MCU: variants seen among roughly 807,000 people sequenced by gnomAD.
The protein encoded by MCU is mitochondrial calcium uniporter, also known as calcium uniporter protein, mitochondrial.
A neutral mutation model predicts 45.2 loss-of-function variants in MCU; 12 were observed. The ratio of observed to expected loss-of-function variants is 0.27; its 90% CI spans 0.17 to 0.43. The LOEUF (loss-of-function observed/expected upper bound fraction) is 0.43. MCU is among the 20% of genes least tolerant of loss of function. MCU has a pLI of 1.00. For missense variants in MCU, 324 were observed against 436.7 expected (o/e 0.74, Z 2.30); for synonymous variants, 160 against 165.1 (o/e 0.97, Z 0.24).
chr10:72,824,372 A>ATTTTTTTTTT (rs66765142), intron 1 of MCU, among the ~76,000 whole-genome samples: 1 of 133,718 alleles, frequency 7.5e-6, no homozygotes, highest in African/African-American at 2.9e-5. Flanking sequence ...AATTTTTTGT[A>ATTTTTTTTTT]TTTTTTTTTT....
At chr10:72,753,438 ATGTCT>A (rs1843530011) in intron 1 of MCU, among the ~76,000 whole-genome samples, 1 of 152,196 alleles carries the variant, frequency 6.6e-6, no homozygotes, top group Non-Finnish European at 1.5e-5. Context: ...ATTCCCAGAA[ATGTCT>A]TGTGCAGTAG....
At chr10:72,715,607 A>G (rs960683644) in intron 1 of MCU, among the ~76,000 whole-genome samples, 36 of 152,322 alleles carry the variant, frequency 2.4e-4, no homozygotes, top group Non-Finnish European at 4.1e-4. Context: ...GATTGCATGG[A>G]AACAGGGCAG....
intron 1 of MCU, among the ~76,000 whole-genome samples, chr10:72,742,044 AACAAAAACG>A (rs1469305153): frequency 2.0e-4 from 27 of 136,898 alleles, no homozygotes; most frequent in Admixed American, 4.4e-4. Context: ...AAAAAAAAAA[AACAAAAACG>A]ACATTGCAGT....
chr10:72,779,747 T>G (rs948674802), intron 1 of MCU, among the ~76,000 whole-genome samples: 1 of 152,302 alleles, frequency 6.6e-6, no homozygotes, highest in East Asian at 1.9e-4. Context: ...TTATACACAC[T>G]GCATGGCTAT....
chr10:72,852,360 T>C (rs1217973885), intron 2 of MCU, among the ~76,000 whole-genome samples: 2 of 152,248 alleles, frequency 1.3e-5, no homozygotes, highest in African/African-American at 4.8e-5. Flanking sequence ...GGAAACAGAC[T>C]ATTCCTTTGG....
At chr10:72,751,563 C>G (rs150220458) in intron 1 of MCU, among the ~76,000 whole-genome samples, 2,441 of 151,642 alleles carry the variant, frequency 0.016, 33 homozygotes, top group Non-Finnish European at 0.027. Context: ...ACCATGTTGG[C>G]CAGGCTGGTC....
intron 1 of MCU, among the ~76,000 whole-genome samples, chr10:72,784,809 T>C (rs1208616787): frequency 6.6e-6 from 1 of 151,996 alleles, no homozygotes; most frequent in South Asian, 2.1e-4. Context: ...TGGGCTTGGG[T>C]GTGGGGAATC....
chr10:72,713,043 T>C (rs987583781), intron 1 of MCU, among the ~76,000 whole-genome samples: 4 of 152,198 alleles, frequency 2.6e-5, no homozygotes, highest in East Asian at 1.9e-4. Flanking sequence ...ACCCAAGATA[T>C]AAGTCTGGCC....
intron 1 of MCU, among the ~76,000 whole-genome samples, chr10:72,712,741 AT>A (rs1466827624): frequency 6.6e-6 from 1 of 152,214 alleles, no homozygotes; most frequent in Non-Finnish European, 1.5e-5. Flanking sequence ...ATATTAGTCA[AT>A]GTATATTCTT....
At chr10:72,796,693 G>GTTTT (rs34029455) in intron 1 of MCU, among the ~76,000 whole-genome samples, 3 of 133,960 alleles carry the variant, frequency 2.2e-5, no homozygotes, top group Non-Finnish European at 4.8e-5. Context: ...TTTAGTTTTT[G>GTTTT]TTTTTTTTTT....
chr10:72,787,755 G>C (rs1411204659), intron 1 of MCU, among the ~76,000 whole-genome samples: 1 of 151,050 alleles, frequency 6.6e-6, no homozygotes, highest in Non-Finnish European at 1.5e-5. Flanking sequence ...CTCTCGCTCT[G>C]TTGCCCAGGC....
At chr10:72,862,453 G>T (rs1192385572) in intron 4 of MCU, among the ~76,000 whole-genome samples, 5 of 152,176 alleles carry the variant, frequency 3.3e-5, no homozygotes, top group Admixed American at 6.5e-5. Context: ...TCCACTGACA[G>T]TGGGGGCGGG....
At chr10:72,798,484 G>A (rs537951950) in intron 1 of MCU, among the ~76,000 whole-genome samples, 1 of 152,250 alleles carries the variant, frequency 6.6e-6, no homozygotes, top group South Asian at 2.1e-4. Context: ...TAGAGGCAGG[G>A]TTTCACCATG....
chr10:72,724,504 C>A (rs1427251422), intron 1 of MCU, among the ~76,000 whole-genome samples: 1 of 152,078 alleles, frequency 6.6e-6, no homozygotes, highest in East Asian at 1.9e-4. Flanking sequence ...ATTTCTACCA[C>A]CACCCCCTCC....
At chr10:72,881,117 G>A (rs1384830563) in intron 6 of MCU, among the ~76,000 whole-genome samples, 5 of 152,044 alleles carry the variant, frequency 3.3e-5, no homozygotes, top group African/African-American at 9.7e-5. Flanking sequence ...GTGGCAGAGT[G>A]AGACTCAAAA....
chr10:72,766,080 C>G (rs1843722747), intron 1 of MCU, among the ~76,000 whole-genome samples: 1 of 152,064 alleles, frequency 6.6e-6, no homozygotes, highest in Non-Finnish European at 1.5e-5. Context: ...GTTTTGCGGG[C>G]TAGTCTTGAA....
At chr10:72,811,235 C>T (rs1282548415) in intron 1 of MCU, among the ~76,000 whole-genome samples, 6 of 152,104 alleles carry the variant, frequency 3.9e-5, no homozygotes, top group East Asian at 1.9e-4. Context: ...CTTTTCAGTT[C>T]GGTTGTGGTG....
At chr10:72,873,093 A>G (rs779515477) in intron 6 of MCU, among the ~76,000 whole-genome samples, 1 of 134,030 alleles carries the variant, frequency 7.5e-6, no homozygotes, top group Admixed American at 9.3e-5. Context: ...ATCTCGGCTC[A>G]CTGCAAGCTC....
chr10:72,705,913 G>C (rs1842813736), intron 1 of MCU, among the ~76,000 whole-genome samples: 1 of 152,040 alleles, frequency 6.6e-6, no homozygotes, highest in Non-Finnish European at 1.5e-5. Context: ...AACCTGGGAG[G>C]CAGAGGTTGC....
Sources: allele counts gnomAD v4.1 joint callset (sites outside exome capture counted in the v4.1 genomes callset), GRCh38; gene constraint gnomAD v4.1.1; transcripts MANE v1.5; gene names NCBI Gene and HGNC (gene_info 2026-07-23, HGNC 2026-07-21).